RARB: variants seen among roughly 807,000 people sequenced by gnomAD.
RARB encodes the protein retinoic acid receptor beta, also known as HBV-activated protein.
RARB carries 17 observed loss-of-function variants against 51.9 expected under a neutral mutation model. That is an observed-to-expected ratio of 0.33 (90% confidence interval 0.22 to 0.49). The LOEUF (loss-of-function observed/expected upper bound fraction) is 0.49, where lower values mean the gene tolerates loss of function less well. Among genes scored for constraint, RARB ranks in the 20% least tolerant of loss-of-function variants. The probability of loss-of-function intolerance (pLI) is 0.99; values close to 1 mark genes in which losing one functional copy is unlikely to be tolerated. For missense variants in RARB, 369 were observed against 550.8 expected (o/e 0.67, Z 3.30); for synonymous variants, 215 against 195.4 (o/e 1.10, Z -0.84).
intron 5 of RARB, among the ~76,000 whole-genome samples, chr3:25,399,779 A>T (rs1707215236): frequency 6.6e-6 from 1 of 152,174 alleles, no homozygotes; most frequent in African/African-American, 2.4e-5. Flanking sequence ...ACCAGAAGTA[A>T]ATCCGAGGTT....
At position 24,971,578 on chromosome 3, in the gene RARB, TAA is replaced by T. The variant is rs1255665860; in HGVS notation, c.-379-88544_-379-88543del. Among the ~76,000 whole-genome samples the T allele has an allele frequency of 4.6e-5, 7 of 152,042 alleles. 1 individual carries two copies. Among genetic ancestry groups the T allele is most frequent in the Non-Finnish European group, 1.5e-5 (1 of 67,938 alleles). On this transcript the variant is annotated intron_variant, in intron 2 of 11. Coordinates refer to the RARB transcript ENST00000383772. ...TCTTTAAATGCCAAAGCTAAGTTTT[TAA>T]AAGAGTGCTGTTTTAGAAGAGACAT... is the stretch of plus-strand genomic sequence containing the variant.
At chr3:25,007,817 A>G (rs867889118) in intron 2 of RARB, among the ~76,000 whole-genome samples, 1 of 151,964 alleles carries the variant, frequency 6.6e-6, no homozygotes, top group African/African-American at 2.4e-5. Context: ...GCTTTGTGAT[A>G]CGTGTTACAT....
chr3:24,839,049 T>C (rs1400770887), intron 1 of RARB, among the ~76,000 whole-genome samples: 2 of 152,086 alleles, frequency 1.3e-5, no homozygotes, highest in African/African-American at 2.4e-5. Context: ...GTTTTAGTCA[T>C]ATGGACTAAA....
At chr3:25,407,801 T>C (rs546015544) in intron 5 of RARB, among the ~76,000 whole-genome samples, 1 of 151,924 alleles carries the variant, frequency 6.6e-6, no homozygotes, top group South Asian at 2.1e-4. Flanking sequence ...TTGATCCTCA[T>C]GCAGCATAAG....
rs1702039866 is a variant in RARB, at chr3:25,225,611, G to T, written c.178+51036G>T. Among the ~76,000 whole-genome samples, 12 of 152,208 alleles carry T rather than the reference G, an allele frequency of 7.9e-5. 1 individual carries two copies. Among genetic ancestry groups the T allele is most frequent in the Admixed American group, 7.9e-4 (12 of 15,282 alleles). On this transcript the variant is annotated intron_variant, in intron 5 of 11. Transcript: ENST00000383772. Reference sequence around the variant, plus strand: ...CTCAAAATAGGATATTGATAGAACAGAATGTCATGACTTGACATGGAATTT... The same window carrying T: ...CTCAAAATAGGATATTGATAGAACATAATGTCATGACTTGACATGGAATTT...
intron 5 of RARB, among the ~76,000 whole-genome samples, chr3:25,180,606 T>A (rs79238417): frequency 0.014 from 2,061 of 152,310 alleles, 23 homozygotes; most frequent in Middle Eastern, 0.044. Flanking sequence ...TCAGGATATA[T>A]CCCAGGAAGT....
chr3:25,417,405 C>G lies in RARB; in HGVS notation c.179-43788C>G, dbSNP rs151312019. Reference sequence around the variant, plus strand: ...ACCCAGATCTCATCTTGAATTCCCACACATGGCGGGAGGGACCTGGTGGGA... The same window carrying G: ...ACCCAGATCTCATCTTGAATTCCCAGACATGGCGGGAGGGACCTGGTGGGA... On this transcript the variant is annotated intron_variant, in intron 5 of 11. Transcript: ENST00000383772. Among the ~76,000 whole-genome samples, 34 of 152,266 alleles carry G rather than the reference C, an allele frequency of 2.2e-4. No individual in the cohort carries two copies. In the East Asian group the frequency reaches 6.6e-3, roughly 29 times the overall value.
At chr3:25,075,274 T>G (rs1698850023) in intron 3 of RARB, among the ~76,000 whole-genome samples, 1 of 152,196 alleles carries the variant, frequency 6.6e-6, no homozygotes, top group South Asian at 2.1e-4. Flanking sequence ...CAGCTCTGCT[T>G]CCCTATACCC....
At chr3:24,983,714 GA>G (rs1309280493) in intron 2 of RARB, among the ~76,000 whole-genome samples, 8 of 151,898 alleles carry the variant, frequency 5.3e-5, no homozygotes, top group African/African-American at 1.9e-4. Flanking sequence ...CTATTTGCTA[GA>G]AAAAAATGGC....
intron 4 of RARB, among the ~76,000 whole-genome samples, chr3:25,136,503 G>C (rs1027248216): frequency 1.3e-5 from 2 of 151,942 alleles, no homozygotes; most frequent in Non-Finnish European, 2.9e-5. Flanking sequence ...CAGCATGCTA[G>C]AGTGTTTTGT....
intron 5 of RARB, among the ~76,000 whole-genome samples, chr3:25,221,343 A>G (rs769671594): frequency 6.6e-6 from 1 of 152,330 alleles, no homozygotes; most frequent in East Asian, 1.9e-4. Context: ...ACTGAGTGCT[A>G]CTAAGGTAGC....
chr3:25,001,283 A>G (rs1167480237), intron 2 of RARB, among the ~76,000 whole-genome samples: 1 of 152,178 alleles, frequency 6.6e-6, no homozygotes, highest in African/African-American at 2.4e-5. Flanking sequence ...TTCTAAAGAA[A>G]TACAGTTGCC....
chr3:24,995,781 T>C (rs1697008386), intron 2 of RARB, among the ~76,000 whole-genome samples: 1 of 152,188 alleles, frequency 6.6e-6, no homozygotes, highest in African/African-American at 2.4e-5. Flanking sequence ...TTGTGTATGT[T>C]GAACCATCCT....
chr3:25,002,337 T>G (rs1697178507), intron 2 of RARB, among the ~76,000 whole-genome samples: 2 of 152,132 alleles, frequency 1.3e-5, no homozygotes, highest in Non-Finnish European at 2.9e-5. Context: ...AGATATTTAT[T>G]CTTTGGAGAT....
At chr3:24,908,442 C>A (rs922607136) in intron 2 of RARB, among the ~76,000 whole-genome samples, 2 of 152,112 alleles carry the variant, frequency 1.3e-5, no homozygotes, top group African/African-American at 2.4e-5. Context: ...CAAGGAAAAT[C>A]AATGAAGCAA....
chr3:25,219,253 T>A (rs1425617186), intron 5 of RARB, among the ~76,000 whole-genome samples: 1 of 120,640 alleles, frequency 8.3e-6, no homozygotes, highest in African/African-American at 2.7e-5. Flanking sequence ...GATAAAGGAA[T>A]TACCTCTAGG....
intron 5 of RARB, among the ~76,000 whole-genome samples, chr3:25,214,616 C>T (rs922966943): frequency 6.6e-6 from 1 of 152,084 alleles, no homozygotes; most frequent in East Asian, 1.9e-4. Flanking sequence ...TTTAACAGGG[C>T]GTCCTGAAAT....
At chr3:25,137,300 C>T (rs1360879980) in intron 4 of RARB, among the ~76,000 whole-genome samples, 1 of 151,944 alleles carries the variant, frequency 6.6e-6, no homozygotes, top group African/African-American at 2.4e-5. Context: ...TTACATAGGA[C>T]AGAGCTTGAT....
At chr3:24,899,789 A>T (rs1313642766) in intron 2 of RARB, among the ~76,000 whole-genome samples, 1 of 152,232 alleles carries the variant, frequency 6.6e-6, no homozygotes, top group Non-Finnish European at 1.5e-5. Context: ...CCTCATAAAG[A>T]TATAAAATAT....
Sources: gnomAD v4.1 joint callset for allele counts (sites outside exome capture counted in the v4.1 genomes callset) on GRCh38, gnomAD v4.1.1 for gene constraint, MANE v1.5 for transcripts, NCBI Gene and HGNC (gene_info 2026-07-23, HGNC 2026-07-21) for gene names.